Variants in DNAH11 observed in about 807,000 individuals in gnomAD.
DNAH11 encodes axonemal beta dynein heavy chain 11.
A neutral mutation model predicts 526.0 loss-of-function variants in DNAH11; 442 were observed. The observed-to-expected ratio is 0.84, with a 90% confidence interval of 0.78 to 0.91. The LOEUF (loss-of-function observed/expected upper bound fraction) is 0.91, where lower values mean the gene tolerates loss of function less well. Ranked by LOEUF, DNAH11 falls within the 40% of genes least tolerant of loss-of-function variation. DNAH11 has a pLI of 0.00. For missense variants in DNAH11, 6,989 were observed against 5,448.7 expected, an observed-to-expected ratio of 1.28 and a Z score of -8.90; for synonymous variants, 2,461 against 1,935.9, an observed-to-expected ratio of 1.27 and a Z score of -7.12.
chr7:21,576,332 G>A (rs1050992322), intron 8 of DNAH11, among the ~76,000 whole-genome samples: 2 of 152,216 alleles, frequency 1.3e-5, no homozygotes, highest in African/African-American at 2.4e-5. Context: ...CCTTGAAAAT[G>A]TCTATTGCAG....
At chr7:21,666,652 A>T (rs188898687) in intron 30 of DNAH11, among the ~76,000 whole-genome samples, 1 of 152,162 alleles carries the variant, frequency 6.6e-6, no homozygotes, top group Admixed American at 6.6e-5. Flanking sequence ...CTTTTAAAAA[A>T]TTTGGATACA....
chr7:21,688,135 GC>G (rs1473533681), intron 34 of DNAH11, among the ~76,000 whole-genome samples: 2 of 152,070 alleles, frequency 1.3e-5, no homozygotes, highest in Non-Finnish European at 2.9e-5. Flanking sequence ...TTGACCTCTG[GC>G]AGCATCTGAT....
intron 42 of DNAH11, 143 bp from the exon 43 acceptor site, chr7:21,717,632 C>A: frequency 1.1e-6 from 1 of 918,886 alleles, no homozygotes; most frequent in Admixed American, 3.1e-5. Context: ...AAAATATTTG[C>A]AGTTTGAAAA....
intron 20 of DNAH11, among the ~76,000 whole-genome samples, chr7:21,613,435 T>C (rs1785621536): frequency 1.3e-5 from 2 of 152,240 alleles, no homozygotes; most frequent in South Asian, 4.1e-4. Flanking sequence ...GCATATATCC[T>C]TTTATGTGTA....
Position 21,784,440 on chromosome 7 carries a change from A to C in DNAH11, c.9497A>C (p.Gln3166Pro), listed in dbSNP as rs562875579. ...DAEERKVTAI[Q>P]TEVFQKQREC... ...CTCTTTAATTAGGTGACAGCCATTCAGACTGAAGTGTTCCAGAAACAGAGA... is the reference window on the plus strand; with the variant it reads ...CTCTTTAATTAGGTGACAGCCATTCCGACTGAAGTGTTCCAGAAACAGAGA... The change falls in exon 58 of 82, where the codon CAG (glutamine) becomes CCG (proline). Residue 3166 changes from glutamine to proline, a missense_variant. By Grantham distance (76) the Gln-to-Pro change is moderately conservative (BLOSUM62 -1). Transcript: ENST00000409508. 6.2e-7 allele frequency: 1 copy of C among 1,612,974 alleles called. No homozygotes were observed. The highest frequency in any genetic ancestry group is 8.5e-7 in the Non-Finnish European group (1 of 1,179,482).
chr7:21,737,173 A>G (rs1204418034), intron 46 of DNAH11, among the ~76,000 whole-genome samples: 2 of 152,192 alleles, frequency 1.3e-5, no homozygotes, highest in African/African-American at 4.8e-5. Context: ...GGATAGAAGG[A>G]CCAGCTTAAG....
At chr7:21,807,428 G>T (rs1789313260) in intron 62 of DNAH11, among the ~76,000 whole-genome samples, 1 of 152,304 alleles carries the variant, frequency 6.6e-6, no homozygotes, top group South Asian at 2.1e-4. Context: ...AAGCCCAGGA[G>T]GTAAAAGTTG....
chr7:21,757,398 A>G (rs763577771), intron 54 of DNAH11, among the ~76,000 whole-genome samples: 6 of 152,106 alleles, frequency 3.9e-5, no homozygotes, highest in Non-Finnish European at 8.8e-5. Flanking sequence ...AGTTTATCCT[A>G]TCCGTTTTTA....
chr7:21,598,028 G>A (rs1784930729), intron 14 of DNAH11, among the ~76,000 whole-genome samples: 1 of 152,020 alleles, frequency 6.6e-6, no homozygotes, highest in South Asian at 2.1e-4. Context: ...GAGAGCTAGG[G>A]TTCTCTCATC....
chr7:21,626,563 C>A (rs1298370354), intron 25 of DNAH11, among the ~76,000 whole-genome samples: 1 of 152,046 alleles, frequency 6.6e-6, no homozygotes, highest in African/African-American at 2.4e-5. Flanking sequence ...ACATTTCTAC[C>A]AACAGTGTAC....
intron 28 of DNAH11, 94 bp downstream of exon 28, chr7:21,639,159 G>T (rs139998174): frequency 3.4e-5 from 48 of 1,411,486 alleles, no homozygotes; most frequent in Non-Finnish European, 4.4e-5. Context: ...GTCATGTCAC[G>T]TGGGCCAGGA....
intron 14 of DNAH11, among the ~76,000 whole-genome samples, chr7:21,595,003 C>T (rs369080483): frequency 3.8e-4 from 58 of 152,230 alleles, no homozygotes; most frequent in African/African-American, 1.2e-3. Flanking sequence ...AGAGGCAGGC[C>T]GACCTGGTAG....
chr7:21,566,320 A>G (rs1239947435), intron 6 of DNAH11, among the ~76,000 whole-genome samples: 1 of 152,038 alleles, frequency 6.6e-6, no homozygotes, highest in Admixed American at 6.6e-5. Flanking sequence ...GGTTTCATTG[A>G]CCCGATTCCT....
At chr7:21,798,013 C>A (rs1788795174) in intron 61 of DNAH11, among the ~76,000 whole-genome samples, 1 of 152,172 alleles carries the variant, frequency 6.6e-6, no homozygotes, top group Non-Finnish European at 1.5e-5. Flanking sequence ...TCCCATTTTA[C>A]ACATGAGAAA....
At chr7:21,722,320 A>G (rs1048489116) in intron 44 of DNAH11, among the ~76,000 whole-genome samples, 68 of 152,190 alleles carry the variant, frequency 4.5e-4, no homozygotes, top group African/African-American at 1.5e-3. Flanking sequence ...ATGGTACCTC[A>G]GGGCCTCTCA....
intron 67 of DNAH11, 31 bp downstream of exon 67, chr7:21,852,662 C>G: frequency 1.3e-6 from 2 of 1,541,050 alleles, no homozygotes; most frequent in South Asian, 2.6e-5. Flanking sequence ...CTGGCAGATT[C>G]TAATGCTCTG....
intron 48 of DNAH11, 97 bp from the exon 49 acceptor site, chr7:21,741,830 G>A (rs1310509783): frequency 7.3e-6 from 10 of 1,365,126 alleles, no homozygotes; most frequent in African/African-American, 2.9e-5. Context: ...ACATGGTAAT[G>A]GGCCTGGATA....
intron 20 of DNAH11, among the ~76,000 whole-genome samples, chr7:21,607,256 C>G (rs534209928): frequency 1.3e-5 from 2 of 152,280 alleles, no homozygotes; most frequent in Admixed American, 1.3e-4. Flanking sequence ...GGCCAGAAGA[C>G]TCAGCCAGCC....
intron 35 of DNAH11, among the ~76,000 whole-genome samples, chr7:21,692,736 G>A (rs1783685962): frequency 6.6e-6 from 1 of 152,186 alleles, no homozygotes; most frequent in African/African-American, 2.4e-5. Flanking sequence ...TTGCTTATAA[G>A]AATCTGCCAG....
Sources: allele counts gnomAD v4.1 joint callset (sites outside exome capture counted in the v4.1 genomes callset), GRCh38; gene constraint gnomAD v4.1.1; transcripts MANE v1.5; gene names NCBI Gene and HGNC (gene_info 2026-07-23, HGNC 2026-07-21).